RPS24: variants seen among roughly 807,000 people sequenced by gnomAD.
The protein encoded by RPS24 is small ribosomal subunit protein eS24.
For synonymous variants in RPS24, 72 were observed against 55.6 expected (o/e 1.30, Z -1.31); for missense variants, 100 against 162.5 (o/e 0.62, Z 2.09).
In RPS24 at chr10:78,036,004, A is replaced by G. The variant is rs180790973; in HGVS notation, c.279+284A>G. The G allele has an allele frequency of 3.1e-5, 13 of 425,292 alleles. No individual in the cohort carries two copies. The East Asian group carries it at 6.1e-4, about 20-fold the overall frequency. The allele number at this position is 425,292 out of a possible 1,614,324, so 26.3% of individuals were successfully genotyped here. On this transcript the variant is annotated intron_variant, in intron 3 of 5. Transcript: ENST00000372360. ...GGAGAAGTAAGGGGATGTGTTTGGA[A>G]AGGTAGCCTGGCACCAAATTCACTT...
chr10:78,055,225 A>G (rs1420243838), exon 5 of RPS24: 10 of 610,660 alleles, frequency 1.6e-5, no homozygotes, highest in Middle Eastern at 4.8e-4. Flanking sequence ...CTGGCCTCCC[A>G]CCACCTTCCA....
At chr10:78,041,626 C>T (rs573240509), downstream of RPS24, among the ~76,000 whole-genome samples, 56 of 152,260 alleles carry the variant, frequency 3.7e-4, no homozygotes, top group African/African-American at 1.2e-3. Flanking sequence ...GTTTGAGATG[C>T]AGTTTCCTGT....
downstream of RPS24, among the ~76,000 whole-genome samples, chr10:78,042,703 G>C (rs772697690): frequency 2.0e-5 from 3 of 152,156 alleles, no homozygotes; most frequent in Non-Finnish European, 4.4e-5. Context: ...GAGAGAGCAG[G>C]GATCTTTGAA....
downstream of RPS24, among the ~76,000 whole-genome samples, chr10:78,042,541 T>C (rs575764583): frequency 1.3e-5 from 2 of 152,216 alleles, no homozygotes; most frequent in African/African-American, 4.8e-5. Flanking sequence ...TTCAGCACAT[T>C]GTAGGCCCTC....
intron 4 of RPS24, chr10:78,037,541 A>AT: frequency 1.8e-6 from 1 of 541,254 alleles, no homozygotes; most frequent in South Asian, 2.2e-5. Context: ...TGGAGGCCAC[A>AT]TTGGTTCATT....
At chr10:78,038,304 G>A (rs1847920711) in intron 4 of RPS24, 1 of 178,786 alleles carries the variant, frequency 5.6e-6, no homozygotes, top group South Asian at 1.2e-4. Context: ...AGGCACTTGG[G>A]AAATGCTGTG....
intron 1 of RPS24, among the ~76,000 whole-genome samples, chr10:78,034,915 A>T (rs192408509): frequency 4.7e-4 from 71 of 152,340 alleles, no homozygotes; most frequent in Middle Eastern, 6.8e-3. Context: ...CTAAGGGAAC[A>T]GTTGGCTAAG....
intron 4 of RPS24, chr10:78,037,993 T>A: frequency 7.7e-7 from 1 of 1,295,010 alleles, no homozygotes; most frequent in Non-Finnish European, 1.0e-6. Context: ...GTACTGAGAT[T>A]GTAAGCACGG....
At position 78,037,274 on chromosome 10, in the gene RPS24, T is replaced by C. The variant is rs761854082; in HGVS notation, c.360T>C (p.Thr120=). ...RKNRMKKVRG[T]AKANVGAGKK ...ACAGAATGAAGAAAGTCAGGGGGAC[T>C]GCAAAGGCCAATGTTGGTGCTGGCA... Residue 120 remains threonine (T), a synonymous_variant, in exon 4 of 6, where the codon ACT becomes ACC. Transcript: ENST00000372360. 6.2e-7 allele frequency: 1 copy of C among 1,606,416 alleles called. No homozygotes were observed. Among genetic ancestry groups the C allele is most frequent in the South Asian group, 1.1e-5 (1 of 89,424 alleles).
chr10:78,044,850 T>A (rs1174681157), downstream of RPS24, among the ~76,000 whole-genome samples: 1 of 151,508 alleles, frequency 6.6e-6, no homozygotes, highest in Non-Finnish European at 1.5e-5. Context: ...TTAGATGTTC[T>A]GCAGTGGATT....
chr10:78,035,277 C>A (rs114462177), intron 1 of RPS24, 75 bp from the exon 2 acceptor site: 1 of 1,427,350 alleles, frequency 7.0e-7, no homozygotes, highest in Non-Finnish European at 9.9e-7. Flanking sequence ...CTGCAACATT[C>A]TAGGTCTTGG....
chr10:78,036,908 A>C (rs1847881038), intron 3 of RPS24, among the ~76,000 whole-genome samples: 1 of 152,134 alleles, frequency 6.6e-6, no homozygotes. Context: ...AAAGAAGAAA[A>C]AATAGTGATC....
In RPS24 at chr10:78,054,562, T is replaced by C. The variant is rs1403420186; in HGVS notation, c.422T>C (p.Leu141Ser). ...GAATTGGGGCTTGGAGTGCAAGCAT[T>C]GGGAAGAATTTCCCAGGAAGAGAGA... The change falls in exon 5 of 5, where the codon TTG becomes TCG. Residue 141 changes from leucine (L) to serine (S), a missense_variant. Leu to Ser is a moderately radical substitution (Grantham distance 145). Coordinates refer to the RPS24 transcript ENST00000440692. The C allele has an allele frequency of 2.0e-5, 31 of 1,546,946 alleles. No homozygotes were observed. Among genetic ancestry groups the C allele is most frequent in the Non-Finnish European group, 2.7e-5 (31 of 1,143,240 alleles).
chr10:78,040,460 C>A (rs957471562), intron 5 of RPS24, 155 bp from the exon 6 acceptor site: 12 of 733,168 alleles, frequency 1.6e-5, no homozygotes, highest in Admixed American at 1.4e-4. Context: ...AATTTTATTT[C>A]TTGATGCTTT....
intron 4 of RPS24, chr10:78,038,899 T>C (rs999208737): frequency 2.0e-5 from 3 of 152,272 alleles, no homozygotes; most frequent in African/African-American, 7.2e-5. Flanking sequence ...TCCAAAGTGC[T>C]GGGATTACAG....
exon 5 of RPS24, chr10:78,055,322 T>C: frequency 3.3e-6 from 1 of 298,556 alleles, no homozygotes; most frequent in Non-Finnish European, 6.1e-6. Flanking sequence ...TTTTCTTGTT[T>C]ATTGGTATTT....
intron 1 of RPS24, chr10:78,034,193 C>T (rs934463180): frequency 1.3e-4 from 3 of 23,958 alleles, no homozygotes; most frequent in Non-Finnish European, 2.5e-4. Context: ...AGGGGGCGGG[C>T]GGGATAGATG....
intron 4 of RPS24, chr10:78,038,080 T>C (rs749898122): frequency 5.6e-5 from 38 of 676,548 alleles, no homozygotes; most frequent in Non-Finnish European, 8.0e-5. Context: ...AGTTTTATAG[T>C]ATGGTCGATT....
At chr10:78,046,345 C>CTTTT in intron 4 of RPS24, among the ~76,000 whole-genome samples, 1 of 129,922 alleles carries the variant, frequency 7.7e-6, no homozygotes. Context: ...ATCTCATTTA[C>CTTTT]CTTTTTTTTT....
Sources: allele counts gnomAD v4.1 joint callset (sites outside exome capture counted in the v4.1 genomes callset), GRCh38; gene constraint gnomAD v4.1.1; transcripts MANE v1.5; gene names NCBI Gene and HGNC (gene_info 2026-07-23, HGNC 2026-07-21).